NEMP2: variants seen among roughly 807,000 people sequenced by gnomAD.
NEMP2 encodes nuclear envelope integral membrane protein 2.
Under a neutral mutation model 54.2 loss-of-function variants are expected in NEMP2, and 53 were observed. That is an observed-to-expected ratio of 0.98 (90% CI 0.78 to 1.23). The LOEUF is 1.23. Ranked by LOEUF, NEMP2 falls within the 50% of genes most tolerant of loss-of-function variation. NEMP2 has a pLI of 0.00. For missense variants in NEMP2, 455 were observed against 511.3 expected (o/e 0.89, Z 1.06); for synonymous variants, 197 against 190.3 (o/e 1.04, Z -0.29).
At chr2:190,615,430 G>C in the NEMP2 span, among the ~76,000 whole-genome samples, 7 of 152,218 alleles carry the variant, frequency 4.6e-5, no homozygotes, top group African/African-American at 1.7e-4. This position sits in a 1 kb window ranked among gnomAD's most constrained non-coding sequence, Gnocchi z 4.7. Context: ...AGATGGAAGA[G>C]ATGCCCAGGG....
chr2:190,623,404 C>G, the NEMP2 span, among the ~76,000 whole-genome samples: 1 of 152,166 alleles, frequency 6.6e-6, no homozygotes, highest in African/African-American at 2.4e-5. Context: ...ATCACACTAC[C>G]TGACTTTGAA....
At position 190,530,979 on chromosome 2, in the gene NEMP2, T is replaced by C. The variant is rs749496637; in HGVS notation, c.97+3580A>G. 1.7e-4 allele frequency among the ~76,000 whole-genome samples: 26 copies of C among 152,150 alleles called. No individual in the cohort carries two copies. The highest frequency in any genetic ancestry group is 2.9e-4 in the Non-Finnish European group (20 of 68,010). On this transcript the variant is annotated intron_variant, in intron 1 of 8. Coordinates refer to ENST00000409150, the MANE Select transcript of NEMP2 (RefSeq NM_001142645.2). The surrounding 1 kb of genome is among the most constrained non-coding windows in gnomAD (Gnocchi z 4.6). The stretch of plus-strand genomic sequence containing the variant: ...AGGAATTTGAGACCAGCCTGGGCAA[T>C]ATGGTGAAACCCTGTCTTTACCAAA...
the NEMP2 span, among the ~76,000 whole-genome samples, chr2:190,423,892 T>A: frequency 3.3e-5 from 5 of 152,240 alleles, no homozygotes; most frequent in Admixed American, 1.3e-4. This position sits in a 1 kb window ranked among gnomAD's most constrained non-coding sequence, Gnocchi z 4.3. Flanking sequence ...TCATTAATGA[T>A]GTTGAACATC....
the NEMP2 span, among the ~76,000 whole-genome samples, chr2:190,482,769 A>G: frequency 6.0e-5 from 9 of 150,344 alleles, no homozygotes; most frequent in East Asian, 1.8e-3. Context: ...ATCAGATACC[A>G]GTGTTGAGTG....
At chr2:190,582,378 G>A in the NEMP2 span, among the ~76,000 whole-genome samples, 13 of 152,232 alleles carry the variant, frequency 8.5e-5, no homozygotes, top group South Asian at 1.7e-3. This position sits in a 1 kb window ranked among gnomAD's most constrained non-coding sequence, Gnocchi z 4.6. Flanking sequence ...CTATAAGAGC[G>A]CCGGGACACA....
At chr2:190,646,430 C>T in the NEMP2 span, among the ~76,000 whole-genome samples, 2 of 152,198 alleles carry the variant, frequency 1.3e-5, no homozygotes, top group South Asian at 2.1e-4. Context: ...AAGAATCCAT[C>T]GTCTGACTTG....
At chr2:190,535,404 T>G (rs1156348612), upstream of NEMP2, among the ~76,000 whole-genome samples, 1 of 152,190 alleles carries the variant, frequency 6.6e-6, no homozygotes, top group Non-Finnish European at 1.5e-5. Flanking sequence ...AGTTTCTTAA[T>G]GTAATAGATA....
At position 190,534,620 on chromosome 2, in the gene NEMP2, G is replaced by GAGC. The variant is rs1271715078; in HGVS notation, c.33_35dup (p.Leu12dup). ...GCAGTGTGGCCAGGGGCGGCAGCCA[G>GAGC]AGCAGCAGCCACCACCGCCCTTGGC... On this transcript the variant is annotated inframe_insertion, in exon 1 of 9. Coordinates refer to ENST00000409150, the MANE Select transcript of NEMP2 (RefSeq NM_001142645.2). 1 of 1,373,358 alleles carries GAGC rather than the reference G, an allele frequency of 7.3e-7. No homozygotes were observed. The highest frequency in any genetic ancestry group is 9.4e-7 in the Non-Finnish European group (1 of 1,066,882). The allele number at this position is 1,373,358 out of a possible 1,614,324, so 85.1% of individuals were successfully genotyped here.
At chr2:190,452,738 C>T in the NEMP2 span, among the ~76,000 whole-genome samples, 1 of 152,126 alleles carries the variant, frequency 6.6e-6, no homozygotes, top group African/African-American at 2.4e-5. Flanking sequence ...CTGGTGAGAT[C>T]TCCATCCCTG....
At chr2:190,604,430 C>T in the NEMP2 span, among the ~76,000 whole-genome samples, 3 of 152,218 alleles carry the variant, frequency 2.0e-5, no homozygotes, top group African/African-American at 4.8e-5. The surrounding 1 kb of genome is among the most constrained non-coding windows in gnomAD (Gnocchi z 4.5). Context: ...ACAGGTGAGT[C>T]GGCTTCCTCA....
At chr2:190,557,228 C>T in the NEMP2 span, among the ~76,000 whole-genome samples, 3 of 152,070 alleles carry the variant, frequency 2.0e-5, no homozygotes, top group African/African-American at 7.2e-5. Context: ...CAATGGGAAA[C>T]AATTCCCTAT....
the NEMP2 span, among the ~76,000 whole-genome samples, chr2:190,462,161 T>C: frequency 6.6e-6 from 1 of 152,280 alleles, no homozygotes; most frequent in South Asian, 2.1e-4. The surrounding 1 kb of genome is among the most constrained non-coding windows in gnomAD (Gnocchi z 5.7). Flanking sequence ...AATGTGAATA[T>C]GGATATGAAT....
At chr2:190,537,216 A>T (rs1368967267), upstream of NEMP2, among the ~76,000 whole-genome samples, 2 of 152,212 alleles carry the variant, frequency 1.3e-5, no homozygotes, top group Non-Finnish European at 2.9e-5. Flanking sequence ...AGAAATGAAG[A>T]ATTCTTTCAA....
At chr2:190,645,797 A>G in the NEMP2 span, among the ~76,000 whole-genome samples, 3 of 152,272 alleles carry the variant, frequency 2.0e-5, no homozygotes, top group African/African-American at 7.2e-5. Flanking sequence ...GTATTACAAA[A>G]ATAATATAGT....
chr2:190,436,586 C>G, the NEMP2 span: 2 of 1,614,094 alleles, frequency 1.2e-6, no homozygotes, highest in African/African-American at 2.7e-5. This position sits in a 1 kb window ranked among gnomAD's most constrained non-coding sequence, Gnocchi z 5.3. Context: ...TCTTCCTTTA[C>G]CTCTTTCCTC....
At chr2:190,472,881 T>G in the NEMP2 span, among the ~76,000 whole-genome samples, 1 of 152,164 alleles carries the variant, frequency 6.6e-6, no homozygotes, top group African/African-American at 2.4e-5. Flanking sequence ...GATTAACAGG[T>G]GATCTCTGGG....
chr2:190,468,197 C>T, the NEMP2 span, among the ~76,000 whole-genome samples: 3 of 152,130 alleles, frequency 2.0e-5, no homozygotes, highest in Admixed American at 6.5e-5. Flanking sequence ...TACTTTTCTC[C>T]TCCAAACACA....
the NEMP2 span, among the ~76,000 whole-genome samples, chr2:190,596,628 T>C: frequency 6.6e-6 from 1 of 152,200 alleles, no homozygotes; most frequent in Non-Finnish European, 1.5e-5. The surrounding 1 kb of genome is among the most constrained non-coding windows in gnomAD (Gnocchi z 5.1). Context: ...TAGAAAAACA[T>C]TGGTCGCTTG....
the NEMP2 span, among the ~76,000 whole-genome samples, chr2:190,550,762 A>G: frequency 6.6e-6 from 1 of 152,178 alleles, no homozygotes; most frequent in Non-Finnish European, 1.5e-5. The surrounding 1 kb of genome is among the most constrained non-coding windows in gnomAD (Gnocchi z 4.7). Context: ...AATGTATACC[A>G]TCAGTCCTCA....
Sources: gnomAD v4.1 joint callset for allele counts (sites outside exome capture counted in the v4.1 genomes callset) on GRCh38, gnomAD v4.1.1 for gene constraint, Gnocchi (gnomAD v3.1) non-coding constraint, MANE v1.5 for transcripts, NCBI Gene and HGNC (gene_info 2026-07-23, HGNC 2026-07-21) for gene names.